The following ZDHHC21 variants were observed in gnomAD, a reference collection of about 807,000 sequenced individuals.
The protein encoded by ZDHHC21 is palmitoyltransferase ZDHHC21.
A neutral mutation model predicts 34.6 loss-of-function variants in ZDHHC21; 15 were observed. That is an observed-to-expected ratio of 0.43 (90% CI 0.29 to 0.67). The LOEUF (loss-of-function observed/expected upper bound fraction) is 0.67. Ranked by LOEUF, ZDHHC21 falls within the 30% of genes least tolerant of loss-of-function variation. The pLI, the probability that ZDHHC21 is intolerant of heterozygous loss-of-function variation, is 0.14. For synonymous variants in ZDHHC21, 142 were observed against 101.8 expected, an observed-to-expected ratio of 1.40 and a Z score of -2.38; for missense variants, 344 against 327.7, an observed-to-expected ratio of 1.05 and a Z score of -0.38.
chr9:14,691,767 G>C (rs1839193842), intron 1 of ZDHHC21, among the ~76,000 whole-genome samples: 1 of 152,140 alleles, frequency 6.6e-6, no homozygotes, highest in African/African-American at 2.4e-5. Context: ...TTCTGGAAGA[G>C]TACTACACCA....
chr9:14,596,101 T>C, the ZDHHC21 span, among the ~76,000 whole-genome samples: 1 of 152,244 alleles, frequency 6.6e-6, no homozygotes, highest in Non-Finnish European at 1.5e-5. Context: ...AACATGTCTT[T>C]ACAAAGACTT....
At chr9:14,607,027 A>C (rs1322530499), downstream of ZDHHC21, among the ~76,000 whole-genome samples, 1 of 150,590 alleles carries the variant, frequency 6.6e-6, no homozygotes, top group African/African-American at 2.4e-5. Context: ...AATACTAACA[A>C]ATGGGCACAA....
chr9:14,686,876 G>A (rs1364347020), intron 2 of ZDHHC21, among the ~76,000 whole-genome samples: 2 of 150,190 alleles, frequency 1.3e-5, no homozygotes, highest in Non-Finnish European at 2.9e-5. Context: ...AGGAGGTTAA[G>A]GCACGAGAAT....
chr9:14,657,795 C>T (rs1832534852), intron 7 of ZDHHC21, among the ~76,000 whole-genome samples: 4 of 152,204 alleles, frequency 2.6e-5, no homozygotes, highest in South Asian at 4.1e-4. Context: ...ACTTCTCTGT[C>T]GCTTAAAAAA....
intron 7 of ZDHHC21, among the ~76,000 whole-genome samples, chr9:14,648,370 C>G (rs1375037446): frequency 1.3e-5 from 2 of 151,934 alleles, no homozygotes; most frequent in Non-Finnish European, 2.9e-5. Context: ...AACCCTCCAA[C>G]AGCTTACAAA....
chr9:14,629,969 C>T (rs1454360974), intron 8 of ZDHHC21, among the ~76,000 whole-genome samples: 1 of 152,108 alleles, frequency 6.6e-6, no homozygotes, highest in Non-Finnish European at 1.5e-5. Flanking sequence ...TCGCTTAAAC[C>T]CGAGAGACAG....
In ZDHHC21 at chr9:14,612,900, T is replaced by G. The variant is rs1370514835; in HGVS notation, c.*6066A>C. 6 of 147,618 alleles carry G rather than the reference T, an allele frequency of 4.1e-5. No homozygotes were observed. Among genetic ancestry groups the G allele is most frequent in the Non-Finnish European group, 7.5e-5 (5 of 66,822 alleles). The allele number at this position is 147,618 out of a possible 1,614,324, so 9.1% of individuals were successfully genotyped here. A position where few individuals can be genotyped will look rare whatever the true frequency, so the allele number is the denominator to read the frequency against. On this transcript the variant is annotated 3_prime_UTR_variant, in exon 10 of 10. Coordinates refer to ENST00000380916, the MANE Select transcript of ZDHHC21 (RefSeq NM_178566.6). ...CACACACGCTGAACTCGATTTGTAATGAGAACGAACCTTAACTCTTCATCT... is the reference window on the plus strand; with the variant it reads ...CACACACGCTGAACTCGATTTGTAAGGAGAACGAACCTTAACTCTTCATCT...
At chr9:14,646,806 T>C (rs1564282377) in intron 7 of ZDHHC21, among the ~76,000 whole-genome samples, 1 of 152,190 alleles carries the variant, frequency 6.6e-6, no homozygotes, top group Non-Finnish European at 1.5e-5. Flanking sequence ...TGCTGTATTT[T>C]ATTTTTTTCA....
rs1266654511 is a variant in ZDHHC21, at chr9:14,687,286, T to A, written c.-176+3051A>T. ...ACATTTATAGTTATCAGAGCTACACTGCAGACACAGCCTCTGAAATGAGAT... is the reference window on the plus strand; with the variant it reads ...ACATTTATAGTTATCAGAGCTACACAGCAGACACAGCCTCTGAAATGAGAT... On this transcript the variant is annotated intron_variant, in intron 2 of 9. Transcript: ENST00000380916. Among the ~76,000 whole-genome samples, 9 of 150,868 alleles carry A rather than the reference T, an allele frequency of 6.0e-5. 1 individual carries two copies. The South Asian group carries it at 1.9e-3, about 31-fold the overall frequency.
chr9:14,594,698 A>G, the ZDHHC21 span, among the ~76,000 whole-genome samples: 1 of 152,216 alleles, frequency 6.6e-6, no homozygotes, highest in Non-Finnish European at 1.5e-5. Context: ...GATAAATTGG[A>G]ATTCATCAAA....
At chr9:14,660,318 G>C (rs559013324) in intron 6 of ZDHHC21, among the ~76,000 whole-genome samples, 7 of 135,954 alleles carry the variant, frequency 5.1e-5, no homozygotes, top group African/African-American at 5.5e-5. Context: ...GTGAGGCAGA[G>C]GTTGAGATCA....
At chr9:14,670,205 A>C (rs1835207296) in intron 5 of ZDHHC21, among the ~76,000 whole-genome samples, 1 of 152,166 alleles carries the variant, frequency 6.6e-6, no homozygotes, top group South Asian at 2.1e-4. Flanking sequence ...AGAAATCAGC[A>C]TATAATATCC....
At chr9:14,630,821 CT>C (rs531211506) in intron 8 of ZDHHC21, among the ~76,000 whole-genome samples, 2 of 152,190 alleles carry the variant, frequency 1.3e-5, no homozygotes, top group African/African-American at 2.4e-5. Context: ...ACGAAAGGAA[CT>C]TTTTTTCCTG....
intron 7 of ZDHHC21, among the ~76,000 whole-genome samples, chr9:14,650,166 T>C (rs1038145035): frequency 2.6e-5 from 4 of 151,956 alleles, no homozygotes; most frequent in Admixed American, 2.0e-4. Flanking sequence ...AGCGTAGAGA[T>C]ATACTGACAA....
chr9:14,664,213 G>A (rs1009290543), intron 5 of ZDHHC21, among the ~76,000 whole-genome samples: 2 of 152,192 alleles, frequency 1.3e-5, no homozygotes, highest in African/African-American at 4.8e-5. Flanking sequence ...CAAGGGGTCA[G>A]GGAGTTCCCT....
At chr9:14,686,162 C>G (rs550546573) in intron 2 of ZDHHC21, among the ~76,000 whole-genome samples, 2 of 151,486 alleles carry the variant, frequency 1.3e-5, no homozygotes, top group Non-Finnish European at 2.9e-5. Context: ...ATGTAACAAA[C>G]CTGCATGTTG....
chr9:14,599,328 T>C, the ZDHHC21 span, among the ~76,000 whole-genome samples: 4 of 152,214 alleles, frequency 2.6e-5, no homozygotes, highest in East Asian at 3.9e-4. Flanking sequence ...ATTGCCTCAC[T>C]TGGGAAGCAC....
Position 14,674,279 on chromosome 9 carries a change from A to C in ZDHHC21, c.62T>G (p.Val21Gly). Reference protein sequence around the residue: ...PHGWCCMGLIVFVWLYNIVLI... With the variant: ...PHGWCCMGLIGFVWLYNIVLI... Reference sequence around the variant, plus strand: ...AACAATATTGTATAACCAAACAAAGACAATCAAACCCATGCAGCACCAACC... The same window carrying C: ...AACAATATTGTATAACCAAACAAAGCCAATCAAACCCATGCAGCACCAACC... The change falls in exon 4 of 10, where the codon GTC becomes GGC. Residue 21 changes from valine to glycine, a missense_variant. Coordinates refer to ENST00000380916, the MANE Select transcript of ZDHHC21 (RefSeq NM_178566.6). 6.3e-7 allele frequency: 1 copy of C among 1,598,392 alleles called. No individual in the cohort carries two copies. Among genetic ancestry groups the C allele is most frequent in the Non-Finnish European group, 8.5e-7 (1 of 1,174,088 alleles).
intron 8 of ZDHHC21, among the ~76,000 whole-genome samples, chr9:14,628,045 T>C (rs774023751): frequency 6.6e-6 from 1 of 152,188 alleles, no homozygotes; most frequent in African/African-American, 2.4e-5. Context: ...TTTATTCCAA[T>C]ATAAATTGTA....
Sources: gnomAD v4.1 joint callset for allele counts (sites outside exome capture counted in the v4.1 genomes callset) on GRCh38, gnomAD v4.1.1 for gene constraint, MANE v1.5 for transcripts, NCBI Gene and HGNC (gene_info 2026-07-23, HGNC 2026-07-21) for gene names.